Variants in TCERG1 observed in about 807,000 individuals in gnomAD.
TCERG1 encodes transcription elongation regulator 1, also known as TATA box binding protein (TBP)-associated factor, RNA polymerase II, S, 150kD.
A neutral mutation model predicts 144.7 loss-of-function variants in TCERG1; 37 were observed. The ratio of observed to expected loss-of-function variants is 0.26; its 90% CI spans 0.20 to 0.34. The LOEUF (loss-of-function observed/expected upper bound fraction) is 0.34, where lower values mean the gene tolerates loss of function less well. Among genes scored for constraint, TCERG1 ranks in the 10% least tolerant of loss-of-function variants. The probability of loss-of-function intolerance (pLI) is 1.00; values close to 1 mark genes in which losing one functional copy is unlikely to be tolerated. For synonymous variants in TCERG1, 492 were observed against 458.2 expected, an observed-to-expected ratio of 1.07 and a Z score of -0.94; for missense variants, 1,027 against 1,380.7, an observed-to-expected ratio of 0.74 and a Z score of 4.06.
Position 146,510,583 on chromosome 5 carries a change from C to T in TCERG1, c.3289C>T (p.Arg1097Cys), listed in dbSNP as rs753152993. Residue 1097 changes from arginine to cysteine, a missense_variant, in exon 23 of 23, where the codon CGC (arginine) becomes TGC (cysteine). Coordinates refer to ENST00000679501, the MANE Select transcript of TCERG1 (RefSeq NM_001382548.1). ...LIVAYVDDLD[R>C]RGPPPPPTAS... ...TGTGGCATATGTTGATGACCTGGAT[C>T]GCCGGGGTCCACCCCCACCTCCCAC... 22 of 1,613,950 alleles carry T rather than the reference C, an allele frequency of 1.4e-5. No homozygotes were observed. Among genetic ancestry groups the T allele is most frequent in the African/African-American group, 4.0e-5 (3 of 74,884 alleles).
chr5:146,463,402 T>A, intron 4 of TCERG1, 149 bp from the exon 5 acceptor site: 1 of 1,088,602 alleles, frequency 9.2e-7, no homozygotes. Context: ...ATTTTCAAGC[T>A]TCTTGAAGAT....
rs781222225 is a variant in TCERG1, at chr5:146,463,871, G to A, written c.1135+78G>A. 4.6e-5 allele frequency: 72 copies of A among 1,574,460 alleles called. No individual in the cohort carries two copies. In the Middle Eastern group the frequency reaches 8.5e-4, roughly 19 times the overall value. On this transcript the variant is annotated intron_variant, in intron 5 of 22. Transcript: ENST00000679501. ...TAGTTTGTTCTCATGTGTCTGTTGC[G>A]TTTGAAATTTGCCTTGAATCTCACC...
At position 146,455,261 on chromosome 5, in the gene TCERG1, A is replaced by T; in HGVS notation, c.265A>T (p.Met89Leu). ...MPPPGGIPPP[M>L]GPPHLQRPPF... ...TCCTCCAGGAGGGATACCTCCACCTATGGGCCCTCCACACCTCCAGGTAAA... is the reference window on the plus strand; with the variant it reads ...TCCTCCAGGAGGGATACCTCCACCTTTGGGCCCTCCACACCTCCAGGTAAA... The change falls in exon 2 of 23, where the codon ATG (methionine) becomes TTG (leucine). Residue 89 changes from methionine to leucine, a missense_variant. Coordinates refer to ENST00000679501, the MANE Select transcript of TCERG1 (RefSeq NM_001382548.1). The T allele has an allele frequency of 3.7e-6, 6 of 1,614,132 alleles. No individual in the cohort carries two copies. The highest frequency in any genetic ancestry group is 5.1e-6 in the Non-Finnish European group (6 of 1,180,016).
At chr5:146,496,467 T>C (rs1766910278) in intron 16 of TCERG1, among the ~76,000 whole-genome samples, 1 of 152,214 alleles carries the variant, frequency 6.6e-6, no homozygotes. Context: ...TAATTGTTAG[T>C]GATCTAACTT....
rs754776254 is a variant in TCERG1 at position 146,482,715 on chromosome 5, G to A, written c.2061G>A (p.Leu687=). ...GAATGAAGCAGTTCAAGGACATGCT[G>A]CTAGAGAGAGGGGTCAGAAAACAAT... ...EARMKQFKDM[L]LERGVSAFST... is the part of the protein sequence containing the mutation. The change falls in exon 14 of 23, where the codon CTG becomes CTA. Residue 687 remains leucine (L), a synonymous_variant. Coordinates refer to ENST00000679501, the MANE Select transcript of TCERG1 (RefSeq NM_001382548.1). 1 of 1,608,618 alleles carries A rather than the reference G, an allele frequency of 6.2e-7. No individual in the cohort carries two copies. Among genetic ancestry groups the A allele is most frequent in the Non-Finnish European group, 8.5e-7 (1 of 1,176,992 alleles).
rs573500610 is a variant in TCERG1, at chr5:146,507,282, T to C, written c.2961+75T>C. On this transcript the variant is annotated intron_variant, in intron 20 of 22. Coordinates refer to ENST00000679501, the MANE Select transcript of TCERG1 (RefSeq NM_001382548.1). The surrounding 1 kb of genome is among the most constrained non-coding windows in gnomAD (Gnocchi z 4.6). ...AATTTCTTAAAGCAAAGCATTGATA[T>C]GATTTTTAGTGTCATGGTCTTTAGA... The C allele has an allele frequency of 3.2e-3, 4,353 of 1,351,438 alleles. 13 individuals carry two copies. Among genetic ancestry groups the C allele is most frequent in the South Asian group, 5.9e-3 (370 of 62,252 alleles). The allele number at this position is 1,351,438 out of a possible 1,614,324, so 83.7% of individuals were successfully genotyped here.
intron 21 of TCERG1, 21 bp from the exon 22 acceptor site, chr5:146,509,124 C>CTT (rs748811806): frequency 1.4e-3 from 1,543 of 1,116,738 alleles, no homozygotes; most frequent in South Asian, 2.8e-3. Flanking sequence ...ATAATCTCAA[C>CTT]TTTTTTTTTT....
In TCERG1 at chr5:146,459,185, T is replaced by C. The variant is rs967357981; in HGVS notation, c.740T>C (p.Val247Ala). The C allele has an allele frequency of 1.3e-5, 21 of 1,613,568 alleles. No homozygotes were observed. Among genetic ancestry groups the C allele is most frequent in the Middle Eastern group, 1.7e-4 (1 of 6,058 alleles). The change falls in exon 4 of 23, where the codon GTC becomes GCC. Residue 247 changes from valine (V) to alanine (A), a missense_variant. Coordinates refer to ENST00000679501, the MANE Select transcript of TCERG1 (RefSeq NM_001382548.1). ...AQAQAQVQAQ[V>A]QAQVQAQAVG... ...GCCCAGGCTCAGGTCCAGGCCCAGG[T>C]CCAGGCACAAGTGCAAGCACAAGCA...
chr5:146,461,110 C>T (rs1018717895), intron 4 of TCERG1, among the ~76,000 whole-genome samples: 12 of 152,058 alleles, frequency 7.9e-5, no homozygotes, highest in African/African-American at 2.7e-4. Flanking sequence ...ATATATAGTC[C>T]ATGTCTGTTT....
Position 146,489,929 on chromosome 5 carries a change from T to C in TCERG1, c.2164-2991T>C, listed in dbSNP as rs145705485. Among the ~76,000 whole-genome samples the C allele has an allele frequency of 5.8e-4, 89 of 152,304 alleles. 1 individual carries two copies. Among genetic ancestry groups the C allele is most frequent in the African/African-American group, 2.1e-3 (86 of 41,570 alleles). ...ACAACCCCTAATTTTCTATGAGATA[T>C]TAATCTTAGAGAGTGATTCCTAACC... On this transcript the variant is annotated intron_variant, in intron 15 of 22. Transcript: ENST00000679501.
intron 16 of TCERG1, among the ~76,000 whole-genome samples, chr5:146,496,698 G>C (rs891137593): frequency 6.6e-6 from 1 of 151,732 alleles, no homozygotes; most frequent in Admixed American, 6.6e-5. Flanking sequence ...TTTTTTAAGA[G>C]GCAGAGTCTT....
chr5:146,447,455 G>A (rs1211564068), intron 1 of TCERG1, 47 bp downstream of exon 1: 1 of 1,587,016 alleles, frequency 6.3e-7, no homozygotes, highest in Non-Finnish European at 8.6e-7. Flanking sequence ...GAGAGCCCCA[G>A]AGGCTAGACG....
chr5:146,505,218 C>T lies in TCERG1; in HGVS notation c.2781+1212C>T, dbSNP rs570937601. Reference sequence around the variant, plus strand: ...TGGGCCACGGGTTGGAAAACCTTGTCCTACACCCTGGACAATTACAGTAGT... The same window carrying T: ...TGGGCCACGGGTTGGAAAACCTTGTTCTACACCCTGGACAATTACAGTAGT... On this transcript the variant is annotated intron_variant, in intron 19 of 22. Coordinates refer to ENST00000679501, the MANE Select transcript of TCERG1 (RefSeq NM_001382548.1). Among the ~76,000 whole-genome samples, 6 of 152,162 alleles carry T rather than the reference C, an allele frequency of 3.9e-5. No homozygotes were observed. The South Asian group carries it at 8.3e-4, about 21-fold the overall frequency.
At chr5:146,468,280 C>A in intron 5 of TCERG1, 61 bp from the exon 6 acceptor site, 1 of 1,294,396 alleles carries the variant, frequency 7.7e-7, no homozygotes, top group Non-Finnish European at 1.1e-6. Context: ...TCCCTGAATC[C>A]CAGTGGTAGC....
chr5:146,484,668 ACT>A (rs1175880626), intron 15 of TCERG1, among the ~76,000 whole-genome samples: 5 of 152,082 alleles, frequency 3.3e-5, no homozygotes, highest in Non-Finnish European at 7.4e-5. Context: ...TAAAAAACAA[ACT>A]CTGTGTGAGT....
chr5:146,459,395 G>A (rs1239457945), intron 4 of TCERG1, 58 bp downstream of exon 4: 17 of 1,564,044 alleles, frequency 1.1e-5, no homozygotes, highest in South Asian at 2.4e-5. Context: ...ACAAGTAGGG[G>A]ACTACATTTC....
intron 4 of TCERG1, among the ~76,000 whole-genome samples, chr5:146,462,946 G>A (rs190674981): frequency 6.6e-6 from 1 of 152,086 alleles, no homozygotes; most frequent in Admixed American, 6.5e-5. Context: ...TACCATTAAT[G>A]TATTTTGTCT....
intron 16 of TCERG1, among the ~76,000 whole-genome samples, chr5:146,493,928 T>A (rs1766649269): frequency 3.9e-5 from 6 of 152,134 alleles, no homozygotes; most frequent in Non-Finnish European, 8.8e-5. Flanking sequence ...AACGTTCATC[T>A]TATATAAATA....
At chr5:146,510,336 A>T in intron 22 of TCERG1, 105 bp from the exon 23 acceptor site, 1 of 940,674 alleles carries the variant, frequency 1.1e-6, no homozygotes, top group East Asian at 2.7e-5. Context: ...AAAAAAAAAA[A>T]AAAAATGGAA....
Sources: gnomAD v4.1 joint callset for allele counts (sites outside exome capture counted in the v4.1 genomes callset) on GRCh38, gnomAD v4.1.1 for gene constraint, Gnocchi (gnomAD v3.1) non-coding constraint, MANE v1.5 for transcripts, NCBI Gene and HGNC (gene_info 2026-07-23, HGNC 2026-07-21) for gene names.